GAB1: variants seen among roughly 807,000 people sequenced by gnomAD.
GAB1 encodes the protein GRB2 associated binding protein 1.
A neutral mutation model predicts 66.5 loss-of-function variants in GAB1; 19 were observed. The observed-to-expected ratio is 0.29, with a 90% CI of 0.20 to 0.42. GAB1 has a LOEUF of 0.42. Among genes scored for constraint, GAB1 ranks in the 10% least tolerant of loss-of-function variants. The pLI, the probability that GAB1 is intolerant of heterozygous loss-of-function variation, is 1.00. For synonymous variants in GAB1, 294 were observed against 301.4 expected (o/e 0.98, Z 0.25); for missense variants, 732 against 858.5 (o/e 0.85, Z 1.84).
At chr4:143,352,235 C>A (rs1048447608) in intron 1 of GAB1, among the ~76,000 whole-genome samples, 1 of 152,172 alleles carries the variant, frequency 6.6e-6, no homozygotes, top group Admixed American at 6.5e-5. Flanking sequence ...CACAAGCCAC[C>A]CAGCTTGTTT....
rs186691107 is a variant in GAB1 at position 143,350,354 on chromosome 4, C to A, written c.72+13094C>A. On this transcript the variant is annotated intron_variant, in intron 1 of 9. Transcript: ENST00000262994. ...TTATTTTGTCATGTGGCACTGTTATCATGGCTTAGCTCACTAAAACACTCT... is the reference window on the plus strand; with the variant it reads ...TTATTTTGTCATGTGGCACTGTTATAATGGCTTAGCTCACTAAAACACTCT... Among the ~76,000 whole-genome samples, 213 of 152,224 alleles carry A rather than the reference C, an allele frequency of 1.4e-3. 1 individual carries two copies. Among genetic ancestry groups the A allele is most frequent in the Non-Finnish European group, 1.1e-3 (77 of 68,016 alleles).
intron 6 of GAB1, among the ~76,000 whole-genome samples, chr4:143,440,646 A>G (rs1245525603): frequency 1.3e-5 from 2 of 152,182 alleles, no homozygotes; most frequent in African/African-American, 4.8e-5. Context: ...GTGAGCGGAC[A>G]ACTGGGGAGA....
At chr4:143,376,848 C>T (rs1356706307) in intron 1 of GAB1, 4 of 152,328 alleles carry the variant, frequency 2.6e-5, no homozygotes, top group African/African-American at 9.6e-5. Flanking sequence ...GATCTGCAGA[C>T]TGAGACGCAT....
intron 3 of GAB1, among the ~76,000 whole-genome samples, chr4:143,434,545 G>A (rs1733844988): frequency 6.6e-6 from 1 of 151,690 alleles, no homozygotes; most frequent in African/African-American, 2.4e-5. Context: ...TTGTAGTGAC[G>A]AGGTCTCACT....
At chr4:143,442,418 A>G (rs1450241031) in intron 6 of GAB1, among the ~76,000 whole-genome samples, 4 of 152,184 alleles carry the variant, frequency 2.6e-5, no homozygotes, top group Non-Finnish European at 5.9e-5. Flanking sequence ...TGAGCTCTGT[A>G]GAGCACAGTT....
chr4:143,355,148 A>G (rs1287273241), intron 1 of GAB1, among the ~76,000 whole-genome samples: 1 of 152,206 alleles, frequency 6.6e-6, no homozygotes, highest in Admixed American at 6.5e-5. Flanking sequence ...GAAAGAAGAA[A>G]AACATTTTTT....
chr4:143,443,273 T>C (rs1248625172), intron 6 of GAB1, among the ~76,000 whole-genome samples: 1 of 152,020 alleles, frequency 6.6e-6, no homozygotes, highest in African/African-American at 2.4e-5. Flanking sequence ...GCCTCGGCCT[T>C]CCAAAGTGCT....
chr4:143,350,110 T>C (rs1461927455), intron 1 of GAB1: 24 of 1,190,890 alleles, frequency 2.0e-5, no homozygotes, highest in Non-Finnish European at 2.7e-5. Flanking sequence ...ACCGGCGTCA[T>C]CCGCCATTTG....
chr4:143,469,008 T>C, intron 9 of GAB1, 23 bp from the exon 10 acceptor site: 2 of 1,612,158 alleles, frequency 1.2e-6, no homozygotes, highest in Non-Finnish European at 1.7e-6. Flanking sequence ...TGTTGGACTT[T>C]TTGTTTTTTC....
chr4:143,396,058 G>A (rs1731437646), intron 1 of GAB1: 1 of 447,260 alleles, frequency 2.2e-6, no homozygotes, highest in South Asian at 1.6e-5. Context: ...AGTGTAATGG[G>A]AGGCTTGGGG....
In GAB1 at chr4:143,463,394, A is replaced by G. The variant is rs186650552; in HGVS notation, c.1804-2709A>G. Among the ~76,000 whole-genome samples, 853 of 152,218 alleles carry G rather than the reference A, an allele frequency of 5.6e-3. 10 individuals are homozygous for G. The highest frequency in any genetic ancestry group is 0.019 in the African/African-American group (802 of 41,538). On this transcript the variant is annotated intron_variant, in intron 8 of 9. Coordinates refer to ENST00000262994, the MANE Select transcript of GAB1 (RefSeq NM_002039.4). ...CCCAGCACTTTAAGGAGGCCGAGGC[A>G]GGCAGATCACCTGAGGTCAGTAGTG...
At chr4:143,418,904 G>A (rs1443150971) in intron 2 of GAB1, among the ~76,000 whole-genome samples, 1 of 152,150 alleles carries the variant, frequency 6.6e-6, no homozygotes, top group African/African-American at 2.4e-5. Context: ...GGCCACCTTA[G>A]GATGATTCTT....
At position 143,350,115 on chromosome 4, in the gene GAB1, C is replaced by T. The variant is rs962497210; in HGVS notation, c.72+12855C>T. On this transcript the variant is annotated intron_variant, in intron 1 of 9. Transcript: ENST00000262994. ...CTCCCGCTGCACCGGCGTCATCCGC[C>T]ATTTGGTGTTTTCTCGGAAAAGAAG... The T allele has an allele frequency of 4.5e-6, 5 of 1,122,028 alleles. No individual in the cohort carries two copies. In the Admixed American group the frequency reaches 1.2e-4, roughly 26 times the overall value. The allele number at this position is 1,122,028 out of a possible 1,614,324, so 69.5% of individuals were successfully genotyped here.
intron 1 of GAB1, among the ~76,000 whole-genome samples, chr4:143,377,062 T>C (rs1730451070): frequency 6.6e-6 from 1 of 151,846 alleles, no homozygotes; most frequent in South Asian, 2.1e-4. Context: ...AACTGATGAA[T>C]GTTTTCCAGA....
At chr4:143,387,709 C>G (rs1486710164) in intron 1 of GAB1, among the ~76,000 whole-genome samples, 6 of 152,184 alleles carry the variant, frequency 3.9e-5, no homozygotes, top group Non-Finnish European at 7.4e-5. Flanking sequence ...ATTCACCCTC[C>G]TCCACAGTCA....
intron 1 of GAB1, among the ~76,000 whole-genome samples, chr4:143,338,712 GGTGT>G (rs56381817): frequency 2.0e-5 from 3 of 149,288 alleles, no homozygotes; most frequent in South Asian, 2.1e-4. Context: ...GAAAGGTAGG[GGTGT>G]GTGTGTGTGT....
intron 1 of GAB1, among the ~76,000 whole-genome samples, chr4:143,370,266 A>G (rs1730060987): frequency 6.6e-6 from 1 of 152,204 alleles, no homozygotes. Flanking sequence ...TGGCTGCCTT[A>G]TAGGAGCTGA....
At chr4:143,341,859 A>T (rs932693760) in intron 1 of GAB1, among the ~76,000 whole-genome samples, 1 of 152,182 alleles carries the variant, frequency 6.6e-6, no homozygotes, top group Non-Finnish European at 1.5e-5. Context: ...CCCCTGCTCA[A>T]TAGTGTCACT....
chr4:143,387,993 C>T (rs567566187), intron 1 of GAB1, among the ~76,000 whole-genome samples: 1 of 152,318 alleles, frequency 6.6e-6, no homozygotes, highest in East Asian at 1.9e-4. Context: ...TATGGCTTAG[C>T]ACATGGTAGA....
Sources: allele counts gnomAD v4.1 joint callset (sites outside exome capture counted in the v4.1 genomes callset), GRCh38; gene constraint gnomAD v4.1.1; transcripts MANE v1.5; gene names NCBI Gene and HGNC (gene_info 2026-07-23, HGNC 2026-07-21).